The following SLCO1A2 variants were observed in gnomAD, a reference collection of about 807,000 sequenced individuals.
SLCO1A2 encodes OATP-1.
A neutral mutation model predicts 69.0 loss-of-function variants in SLCO1A2; 67 were observed. That is an observed-to-expected ratio of 0.97 (90% CI 0.80 to 1.19). The LOEUF is 1.19. SLCO1A2 is among the 50% of genes most tolerant of loss of function. SLCO1A2 has a pLI of 0.00. For synonymous variants in SLCO1A2, 260 were observed against 265.9 expected, an observed-to-expected ratio of 0.98 and a Z score of 0.22; for missense variants, 787 against 793.7, an observed-to-expected ratio of 0.99 and a Z score of 0.10.
chr12:21,332,376 A>AC (rs1243743939), intron 2 of SLCO1A2, among the ~76,000 whole-genome samples: 2 of 152,130 alleles, frequency 1.3e-5, no homozygotes, highest in African/African-American at 4.8e-5. Context: ...TGTGGAGACC[A>AC]AGGTTTTATC....
chr12:21,375,399 T>A (rs1428006196), intron 1 of SLCO1A2, among the ~76,000 whole-genome samples: 1 of 152,228 alleles, frequency 6.6e-6, no homozygotes, highest in African/African-American at 2.4e-5. Flanking sequence ...TAGGAAAATC[T>A]ATGGGGAAAA....
At chr12:21,416,673 C>T (rs1279016662) in intron 1 of SLCO1A2, among the ~76,000 whole-genome samples, 1 of 151,790 alleles carries the variant, frequency 6.6e-6, no homozygotes, top group African/African-American at 2.4e-5. Context: ...ACTGACTATT[C>T]ACAGGAGCAA....
intron 14 of SLCO1A2, among the ~76,000 whole-genome samples, chr12:21,270,948 A>G (rs1236173905): frequency 6.6e-6 from 1 of 151,692 alleles, no homozygotes; most frequent in Non-Finnish European, 1.5e-5. Context: ...TATGGTATAT[A>G]GTCTATTTAT....
At chr12:21,387,284 T>G (rs1047921631) in intron 1 of SLCO1A2, among the ~76,000 whole-genome samples, 36 of 152,120 alleles carry the variant, frequency 2.4e-4, no homozygotes, top group African/African-American at 6.3e-4. Flanking sequence ...AGAAGCCAAA[T>G]GCTAATCACC....
chr12:21,291,756 T>A (rs1946884565), intron 12 of SLCO1A2, among the ~76,000 whole-genome samples: 1 of 152,110 alleles, frequency 6.6e-6, no homozygotes, highest in African/African-American at 2.4e-5. Flanking sequence ...TCAAGTGACC[T>A]TAGCGAGATG....
intron 14 of SLCO1A2, 115 bp downstream of exon 14, chr12:21,274,354 A>AAAT: frequency 4.9e-6 from 3 of 612,770 alleles, no homozygotes; most frequent in Non-Finnish European, 5.8e-6. Flanking sequence ...TCTCTGCTGG[A>AAAT]AATAACCACA....
chr12:21,291,764 A>C (rs1395930271), intron 12 of SLCO1A2, among the ~76,000 whole-genome samples: 1 of 152,136 alleles, frequency 6.6e-6, no homozygotes, highest in Non-Finnish European at 1.5e-5. Flanking sequence ...CCTTAGCGAG[A>C]TGGGGGCTTC....
chr12:21,398,470 T>G (rs1941561132), upstream of SLCO1A2, among the ~76,000 whole-genome samples: 1 of 146,244 alleles, frequency 6.8e-6, no homozygotes, highest in African/African-American at 2.5e-5. Context: ...GTACCATTCC[T>G]TCTGAAACTA....
At chr12:21,346,162 C>A (rs1466410907) in intron 2 of SLCO1A2, among the ~76,000 whole-genome samples, 1 of 151,740 alleles carries the variant, frequency 6.6e-6, no homozygotes, top group African/African-American at 2.4e-5. Flanking sequence ...AGAAAAAAAC[C>A]ATACTCATTT....
intron 2 of SLCO1A2, 138 bp from the exon 3 acceptor site, chr12:21,319,061 G>A (rs1951248514): frequency 5.6e-6 from 4 of 720,582 alleles, no homozygotes; most frequent in African/African-American, 3.6e-5. Flanking sequence ...AAACTGTAAA[G>A]TGTAGTCTGC....
At chr12:21,371,639 G>A (rs1223479955) in intron 2 of SLCO1A2, among the ~76,000 whole-genome samples, 1 of 152,068 alleles carries the variant, frequency 6.6e-6, no homozygotes, top group African/African-American at 2.4e-5. Context: ...ACTGACAATT[G>A]AAATTTATTT....
chr12:21,293,878 A>G, intron 11 of SLCO1A2, 67 bp downstream of exon 11: 1 of 1,319,932 alleles, frequency 7.6e-7, no homozygotes, highest in Non-Finnish European at 1.0e-6. Context: ...TATTAAATAT[A>G]GGCCCAGTTC....
rs751335373 is a variant in SLCO1A2, at chr12:21,293,946, A to G, written c.1436T>C (p.Met479Thr). ...CETSIGTGIN[M>T]VFQNCSCIQT... ...GTTCTGTCAAATAGGATGTCTTACCATGTTTATTCCCGTTCCAATGGATGT... is the reference window on the plus strand; with the variant it reads ...GTTCTGTCAAATAGGATGTCTTACCGTGTTTATTCCCGTTCCAATGGATGT... The change falls in exon 11 of 15, where the codon ATG becomes ACG. Residue 479 changes from methionine to threonine, a missense_variant and splice_region_variant. Met to Thr is a moderately conservative substitution (Grantham distance 81, BLOSUM62 -1). Coordinates refer to ENST00000683939, the MANE Select transcript of SLCO1A2 (RefSeq NM_001386879.1). 26 of 1,604,510 alleles carry G rather than the reference A, an allele frequency of 1.6e-5. No individual in the cohort carries two copies. Among genetic ancestry groups the G allele is most frequent in the Non-Finnish European group, 2.1e-5 (25 of 1,176,416 alleles).
intron 1 of SLCO1A2, among the ~76,000 whole-genome samples, chr12:21,403,150 G>A (rs1010741294): frequency 1.3e-5 from 2 of 152,048 alleles, no homozygotes; most frequent in Non-Finnish European, 1.5e-5. Flanking sequence ...TACTTCTAAC[G>A]CTCCAAGCCA....
At chr12:21,395,838 A>G (rs1203623690), upstream of SLCO1A2, among the ~76,000 whole-genome samples, 5 of 152,100 alleles carry the variant, frequency 3.3e-5, no homozygotes, top group African/African-American at 4.8e-5. Flanking sequence ...AAAACTAACA[A>G]ACAGAAAGGA....
intron 2 of SLCO1A2, among the ~76,000 whole-genome samples, chr12:21,322,251 C>T (rs1332881470): frequency 6.6e-6 from 1 of 151,928 alleles, no homozygotes; most frequent in Non-Finnish European, 1.5e-5. Flanking sequence ...TTGGCTGATG[C>T]CTGTGAACCC....
chr12:21,334,275 C>A (rs1952788432), intron 2 of SLCO1A2, among the ~76,000 whole-genome samples: 1 of 152,040 alleles, frequency 6.6e-6, no homozygotes, highest in South Asian at 2.1e-4. Context: ...AGAAACCCTG[C>A]AAGAGTGAGC....
In SLCO1A2 at chr12:21,318,940, A is replaced by T. The variant is rs1245133494; in HGVS notation, c.61-17T>A. 6.4e-7 allele frequency: 1 copy of T among 1,557,706 alleles called. No individual in the cohort carries two copies. Among genetic ancestry groups the T allele is most frequent in the East Asian group, 2.3e-5 (1 of 44,228 alleles). ...CAGAAACATCTAGGAAAAAAATATA[A>T]GAAAACGTAGAAAAAATTATTTTTA... On this transcript the variant is annotated splice_polypyrimidine_tract_variant and intron_variant, in intron 2 of 14. Coordinates refer to ENST00000683939, the MANE Select transcript of SLCO1A2 (RefSeq NM_001386879.1).
chr12:21,388,389 G>T (rs1940991094), intron 1 of SLCO1A2, among the ~76,000 whole-genome samples: 1 of 152,146 alleles, frequency 6.6e-6, no homozygotes, highest in Non-Finnish European at 1.5e-5. Flanking sequence ...CCAGTGGGAG[G>T]TAATTGAATC....
Sources: allele counts gnomAD v4.1 joint callset (sites outside exome capture counted in the v4.1 genomes callset), GRCh38; gene constraint gnomAD v4.1.1; transcripts MANE v1.5; gene names NCBI Gene and HGNC (gene_info 2026-07-23, HGNC 2026-07-21).